The following PDE10A variants were observed in gnomAD, a reference collection of about 807,000 sequenced individuals.
The protein encoded by PDE10A is phosphodiesterase 10A.
Under a neutral mutation model 97.7 loss-of-function variants are expected in PDE10A, and 39 were observed. The ratio of observed to expected loss-of-function variants is 0.40; its 90% confidence interval spans 0.31 to 0.52. The LOEUF is 0.52. PDE10A is among the 20% of genes least tolerant of loss of function. The pLI is 0.56. For missense variants in PDE10A, 731 were observed against 1,047.8 expected, an observed-to-expected ratio of 0.70 and a Z score of 4.17; for synonymous variants, 371 against 376.8, an observed-to-expected ratio of 0.98 and a Z score of 0.18.
intron 1 of PDE10A, among the ~76,000 whole-genome samples, chr6:165,656,344 A>C (rs1443655872): frequency 6.7e-6 from 1 of 150,042 alleles, no homozygotes; most frequent in African/African-American, 2.5e-5. Context: ...TGCCTTATCC[A>C]ACCAGCCACC....
intron 1 of PDE10A, among the ~76,000 whole-genome samples, chr6:165,848,387 C>T (rs1350555724): frequency 6.6e-6 from 1 of 152,054 alleles, no homozygotes; most frequent in Admixed American, 6.6e-5. Flanking sequence ...GCAGAGGAGG[C>T]GTGGAGTGGC....
chr6:165,510,128 G>A (rs1781427076), intron 2 of PDE10A, among the ~76,000 whole-genome samples: 1 of 152,056 alleles, frequency 6.6e-6, no homozygotes, highest in South Asian at 2.1e-4. Context: ...TAGGAGTGCT[G>A]AAAGTGGGCA....
intron 1 of PDE10A, among the ~76,000 whole-genome samples, chr6:165,651,519 T>C (rs774709703): frequency 1.3e-5 from 2 of 152,146 alleles, no homozygotes; most frequent in African/African-American, 4.8e-5. Context: ...CTATGGGACA[T>C]GGAGAAAGAT....
chr6:165,681,503 G>A (rs183844715), intron 1 of PDE10A, among the ~76,000 whole-genome samples: 361 of 152,076 alleles, frequency 2.4e-3, no homozygotes, highest in Non-Finnish European at 4.1e-3. Context: ...CCCCTCCTCC[G>A]AGTTTCTGAT....
At chr6:165,846,752 G>A (rs1780429690) in intron 1 of PDE10A, among the ~76,000 whole-genome samples, 1 of 152,214 alleles carries the variant, frequency 6.6e-6, no homozygotes, top group Non-Finnish European at 1.5e-5. Context: ...AACTGGATGA[G>A]AAGTGAGAGC....
At chr6:165,752,889 C>T (rs113283926) in intron 1 of PDE10A, among the ~76,000 whole-genome samples, 3,824 of 152,294 alleles carry the variant, frequency 0.025, 68 homozygotes, top group Middle Eastern at 0.061. Context: ...AGATGCTGCT[C>T]GACGTATGAA....
intron 3 of PDE10A, among the ~76,000 whole-genome samples, chr6:165,451,889 T>C (rs1791320882): frequency 6.6e-6 from 1 of 152,152 alleles, no homozygotes; most frequent in African/African-American, 2.4e-5. Flanking sequence ...AGCACCTACT[T>C]GGGTTCAGTA....
intron 1 of PDE10A, among the ~76,000 whole-genome samples, chr6:165,560,653 G>A (rs541647963): frequency 3.0e-4 from 45 of 152,214 alleles, no homozygotes; most frequent in African/African-American, 1.1e-3. Flanking sequence ...AAAAAGAAAC[G>A]TATTTTCCAA....
At chr6:165,965,399 G>A (rs1256007495) in intron 1 of PDE10A, among the ~76,000 whole-genome samples, 1 of 152,166 alleles carries the variant, frequency 6.6e-6, no homozygotes, top group Non-Finnish European at 1.5e-5. Flanking sequence ...GTATAAATCA[G>A]GGGTAGTGGC....
chr6:165,877,972 T>C (rs1181528101), intron 1 of PDE10A, among the ~76,000 whole-genome samples: 1 of 152,170 alleles, frequency 6.6e-6, no homozygotes, highest in Admixed American at 6.5e-5. Context: ...AACACGGGTC[T>C]TTCCAGAGAA....
intron 18 of PDE10A, among the ~76,000 whole-genome samples, chr6:165,374,587 G>A (rs1353452888): frequency 6.6e-6 from 1 of 152,034 alleles, no homozygotes; most frequent in Non-Finnish European, 1.5e-5. Context: ...TCAGAGACTG[G>A]CGTATTTACT....
chr6:165,487,430 G>C (rs542091414), intron 2 of PDE10A, among the ~76,000 whole-genome samples: 75 of 152,248 alleles, frequency 4.9e-4, no homozygotes, highest in Middle Eastern at 3.4e-3. Context: ...ATGGTGAGTT[G>C]TACCATTATT....
chr6:165,637,838 G>A (rs1398514780), intron 1 of PDE10A, among the ~76,000 whole-genome samples: 1 of 152,134 alleles, frequency 6.6e-6, no homozygotes, highest in African/African-American at 2.4e-5. Flanking sequence ...AGGGCAGAAC[G>A]CCAAAGCAGA....
intron 1 of PDE10A, among the ~76,000 whole-genome samples, chr6:165,805,635 G>C (rs1203798286): frequency 6.6e-6 from 1 of 152,164 alleles, no homozygotes; most frequent in Non-Finnish European, 1.5e-5. Context: ...AAGGCGAGAG[G>C]GGAGAGAACG....
intron 1 of PDE10A, among the ~76,000 whole-genome samples, chr6:165,788,536 A>AG (rs1008559860): frequency 1.2e-4 from 17 of 147,388 alleles, no homozygotes; most frequent in African/African-American, 3.0e-4. Flanking sequence ...AAAAAAAAAA[A>AG]AAAGAAAAGA....
At chr6:165,921,429 C>T (rs1233452856) in intron 1 of PDE10A, among the ~76,000 whole-genome samples, 1 of 152,168 alleles carries the variant, frequency 6.6e-6, no homozygotes, top group African/African-American at 2.4e-5. Flanking sequence ...TTTCTAGAGG[C>T]TGAGAGTAAA....
chr6:165,466,086 C>T (rs2128264775), intron 3 of PDE10A, among the ~76,000 whole-genome samples: 1 of 152,258 alleles, frequency 6.6e-6, no homozygotes, highest in Non-Finnish European at 1.5e-5. Flanking sequence ...TGCAAATCAA[C>T]AAGGCACTAA....
intron 2 of PDE10A, among the ~76,000 whole-genome samples, chr6:165,538,148 C>A (rs1279892559): frequency 3.9e-5 from 6 of 151,952 alleles, no homozygotes; most frequent in Non-Finnish European, 8.8e-5. Context: ...CCTACTTATT[C>A]TAAGAATAAA....
At chr6:165,865,821 G>A (rs1001758807) in intron 1 of PDE10A, among the ~76,000 whole-genome samples, 1 of 152,040 alleles carries the variant, frequency 6.6e-6, no homozygotes, top group Non-Finnish European at 1.5e-5. Flanking sequence ...AATTTTGGGA[G>A]TTCCACAAGA....
Sources: allele counts gnomAD v4.1 joint callset (sites outside exome capture counted in the v4.1 genomes callset), GRCh38; gene constraint gnomAD v4.1.1; transcripts MANE v1.5; gene names NCBI Gene and HGNC (gene_info 2026-07-23, HGNC 2026-07-21).